Variants in NTM observed in about 807,000 individuals in gnomAD.
The protein encoded by NTM is IgLON family member 2.
In NTM, 13 loss-of-function variants were observed where a neutral mutation model predicts 42.1. That is an observed-to-expected ratio of 0.31 (90% CI 0.20 to 0.49). NTM has a LOEUF of 0.49. Among genes scored for constraint, NTM ranks in the 20% least tolerant of loss-of-function variants. The pLI is 0.99. For synonymous variants in NTM, 187 were observed against 179.2 expected, an observed-to-expected ratio of 1.04 and a Z score of -0.35; for missense variants, 373 against 452.8, an observed-to-expected ratio of 0.82 and a Z score of 1.60.
chr11:132,219,675 ACT>A (rs940778440), intron 4 of NTM, among the ~76,000 whole-genome samples: 2 of 151,666 alleles, frequency 1.3e-5, no homozygotes, highest in African/African-American at 4.9e-5. Context: ...TGAGCTTTAG[ACT>A]CTGTGAAATA....
chr11:131,413,127 C>T (rs540778019), intron 1 of NTM, among the ~76,000 whole-genome samples: 55 of 152,286 alleles, frequency 3.6e-4, no homozygotes, highest in South Asian at 2.5e-3. Context: ...GAATAGATAA[C>T]GGCTGTTCTT....
chr11:132,215,306 T>A (rs2083621445), intron 4 of NTM, among the ~76,000 whole-genome samples: 1 of 152,242 alleles, frequency 6.6e-6, no homozygotes, highest in Non-Finnish European at 1.5e-5. Flanking sequence ...CCTGATGACT[T>A]CATTGCATTT....
chr11:131,388,002 C>G (rs1262054421), intron 1 of NTM, among the ~76,000 whole-genome samples: 1 of 152,202 alleles, frequency 6.6e-6, no homozygotes, highest in Non-Finnish European at 1.5e-5. Flanking sequence ...CCCCAGCAAT[C>G]TGTGTGTCAA....
At chr11:131,592,265 A>G (rs908145) in intron 1 of NTM, among the ~76,000 whole-genome samples, 41,000 of 152,036 alleles carry the variant, frequency 0.27, 7,942 homozygotes, top group African/African-American at 0.55. Context: ...TGGAGTCCTC[A>G]CACTGCTACT....
At chr11:131,631,003 A>G (rs1345843191) in intron 1 of NTM, among the ~76,000 whole-genome samples, 1 of 152,232 alleles carries the variant, frequency 6.6e-6, no homozygotes, top group African/African-American at 2.4e-5. Flanking sequence ...ATGGCCAGCC[A>G]GCTTTTCATT....
At chr11:131,855,430 T>A (rs979462975) in intron 1 of NTM, among the ~76,000 whole-genome samples, 2 of 152,218 alleles carry the variant, frequency 1.3e-5, no homozygotes, top group Admixed American at 6.5e-5. Flanking sequence ...AATTTTCACA[T>A]CTTAAATTCC....
At chr11:131,660,379 A>AGG in intron 1 of NTM, 1 of 426,752 alleles carries the variant, frequency 2.3e-6, no homozygotes, top group South Asian at 1.6e-5. Flanking sequence ...AGGAGGGCGG[A>AGG]GGGGGTGAGG....
intron 1 of NTM, among the ~76,000 whole-genome samples, chr11:131,782,968 G>C (rs2088454218): frequency 6.6e-6 from 1 of 152,116 alleles, no homozygotes; most frequent in Admixed American, 6.5e-5. Context: ...TTATTAAGCT[G>C]GAGGTCCTAG....
intron 1 of NTM, among the ~76,000 whole-genome samples, chr11:131,723,355 C>G (rs1313389870): frequency 1.3e-5 from 2 of 152,214 alleles, no homozygotes; most frequent in Admixed American, 1.3e-4. Context: ...AGATCCTCTT[C>G]CGCTCAAGCG....
chr11:131,721,924 A>C (rs1311137187), intron 1 of NTM, among the ~76,000 whole-genome samples: 1 of 143,934 alleles, frequency 6.9e-6, no homozygotes, highest in African/African-American at 2.6e-5. Context: ...ACTTGAACCC[A>C]GGAGGTGGAG....
chr11:132,004,015 T>C (rs1177227825), intron 2 of NTM, among the ~76,000 whole-genome samples: 1 of 152,154 alleles, frequency 6.6e-6, no homozygotes, highest in Non-Finnish European at 1.5e-5. Context: ...ACAATTATAT[T>C]TTGATTGCTG....
At chr11:132,157,564 C>T (rs373995508) in intron 3 of NTM, among the ~76,000 whole-genome samples, 18 of 152,260 alleles carry the variant, frequency 1.2e-4, no homozygotes, top group African/African-American at 3.6e-4. Context: ...CCATTGATGT[C>T]GCCTAGCATT....
chr11:132,196,684 A>G (rs1250815936), intron 3 of NTM, among the ~76,000 whole-genome samples: 1 of 152,158 alleles, frequency 6.6e-6, no homozygotes, highest in African/African-American at 2.4e-5. Flanking sequence ...TGAACACCAA[A>G]TACGGCATGT....
intron 3 of NTM, among the ~76,000 whole-genome samples, chr11:132,163,095 C>T (rs941059937): frequency 2.0e-5 from 3 of 152,128 alleles, no homozygotes; most frequent in East Asian, 1.9e-4. Flanking sequence ...GTGGAAGGAG[C>T]GTCTGCAGAG....
chr11:131,398,416 TTTC>T (rs964888961), intron 1 of NTM, among the ~76,000 whole-genome samples: 1 of 152,210 alleles, frequency 6.6e-6, no homozygotes, highest in Non-Finnish European at 1.5e-5. Context: ...TTTCTAATTT[TTTC>T]TTATTCTCTG....
At chr11:132,135,088 G>A (rs887405489) in intron 2 of NTM, among the ~76,000 whole-genome samples, 16 of 152,138 alleles carry the variant, frequency 1.1e-4, no homozygotes, top group Non-Finnish European at 1.9e-4. Context: ...TAGTACCTAA[G>A]CCTGGCTGGA....
intron 2 of NTM, among the ~76,000 whole-genome samples, chr11:132,048,045 GGC>G (rs2078265731): frequency 6.6e-6 from 1 of 151,792 alleles, no homozygotes; most frequent in South Asian, 2.1e-4. Flanking sequence ...TGTGTACATG[GGC>G]TCATGCTTGC....
chr11:132,206,016 T>C (rs3099759), intron 3 of NTM, among the ~76,000 whole-genome samples: 151,645 of 152,248 alleles, frequency 1, 75,521 homozygotes, highest in East Asian at 1. Flanking sequence ...TCTCCCTGGT[T>C]GTCCTCCTAG....
intron 2 of NTM, among the ~76,000 whole-genome samples, chr11:132,123,792 G>T (rs552243618): frequency 6.6e-6 from 1 of 152,242 alleles, no homozygotes; most frequent in East Asian, 1.9e-4. Context: ...AACCACGCAT[G>T]TGCCGGTTAC....
Sources: gnomAD v4.1 joint callset for allele counts (sites outside exome capture counted in the v4.1 genomes callset) on GRCh38, gnomAD v4.1.1 for gene constraint, MANE v1.5 for transcripts, NCBI Gene and HGNC (gene_info 2026-07-23, HGNC 2026-07-21) for gene names.